SLC2A9: variants seen among roughly 807,000 people sequenced by gnomAD.
SLC2A9 encodes solute carrier family 2, facilitated glucose transporter member 9.
SLC2A9 carries 39 observed loss-of-function variants against 50.6 expected under a neutral mutation model. The ratio of observed to expected loss-of-function variants is 0.77; its 90% CI spans 0.60 to 1.01. The LOEUF is 1.01. Ranked by LOEUF, SLC2A9 falls within the 50% of genes least tolerant of loss-of-function variation. SLC2A9 has a pLI of 0.00. For missense variants in SLC2A9, 686 were observed against 677.6 expected (o/e 1.01, Z -0.14); for synonymous variants, 324 against 276.9 (o/e 1.17, Z -1.69).
intron 6 of SLC2A9, among the ~76,000 whole-genome samples, chr4:9,933,504 G>A (rs1371296235): frequency 6.6e-6 from 1 of 152,160 alleles, no homozygotes; most frequent in African/African-American, 2.4e-5. Flanking sequence ...CCACTTTCCT[G>A]GGTGGAACAT....
chr4:9,801,014 C>A (rs1721332524), intron 3 of SLC2A9, among the ~76,000 whole-genome samples: 1 of 152,148 alleles, frequency 6.6e-6, no homozygotes, highest in Non-Finnish European at 1.5e-5. Flanking sequence ...ACCATGACAC[C>A]AGCAGAAGTG....
intron 5 of SLC2A9, among the ~76,000 whole-genome samples, chr4:9,969,259 A>C (rs1477047551): frequency 1.3e-5 from 2 of 152,192 alleles, no homozygotes; most frequent in African/African-American, 4.8e-5. Context: ...AATGGTAATA[A>C]AACTCTTAAA....
At chr4:9,945,378 C>A (rs1408276172) in intron 5 of SLC2A9, among the ~76,000 whole-genome samples, 1 of 152,232 alleles carries the variant, frequency 6.6e-6, no homozygotes, top group Non-Finnish European at 1.5e-5. Context: ...CACAGGCCTG[C>A]ACACACTGTA....
At chr4:9,992,196 T>C (rs1757827177) in intron 3 of SLC2A9, among the ~76,000 whole-genome samples, 1 of 152,090 alleles carries the variant, frequency 6.6e-6, no homozygotes, top group South Asian at 2.1e-4. Context: ...CACCTAACCA[T>C]GGCTTCAGGA....
intron 10 of SLC2A9, among the ~76,000 whole-genome samples, chr4:9,860,347 T>C (rs1304596655): frequency 6.6e-6 from 1 of 152,190 alleles, no homozygotes. Flanking sequence ...TTGTCATCCT[T>C]ATGGATTCAT....
chr4:9,869,667 T>C (rs1004139945), intron 10 of SLC2A9, among the ~76,000 whole-genome samples: 1 of 152,226 alleles, frequency 6.6e-6, no homozygotes, highest in Non-Finnish European at 1.5e-5. Flanking sequence ...AAGGGTCTGG[T>C]GGCTGTCCTC....
chr4:9,838,430 C>G (rs112404513), intron 10 of SLC2A9, among the ~76,000 whole-genome samples: 21 of 152,176 alleles, frequency 1.4e-4, no homozygotes, highest in African/African-American at 5.1e-4. Flanking sequence ...TAAAATTGCC[C>G]ACAGCAATTT....
At chr4:9,917,992 G>A (rs371399068) in intron 7 of SLC2A9, among the ~76,000 whole-genome samples, 2 of 152,130 alleles carry the variant, frequency 1.3e-5, no homozygotes, top group African/African-American at 4.8e-5. Flanking sequence ...AACACCAGCA[G>A]GTGTGACTTT....
intron 3 of SLC2A9, chr4:9,792,967 CG>C (rs34567589): frequency 0.36 from 55,125 of 152,234 alleles, 10,257 homozygotes; most frequent in East Asian, 0.53. Flanking sequence ...CTCTGCCTCC[CG>C]GGTTCAAGCC....
chr4:9,832,469 G>A (rs548233150), intron 11 of SLC2A9, among the ~76,000 whole-genome samples: 1 of 152,290 alleles, frequency 6.6e-6, no homozygotes, highest in Non-Finnish European at 1.5e-5. Flanking sequence ...TGTATGTCCA[G>A]CCTGGCTGTT....
chr4:9,881,985 C>A (rs1228498432), intron 10 of SLC2A9, among the ~76,000 whole-genome samples: 1 of 152,190 alleles, frequency 6.6e-6, no homozygotes. Flanking sequence ...GACTTCATTT[C>A]AAAACCAAGT....
At chr4:9,845,498 C>T (rs1728838101) in intron 10 of SLC2A9, among the ~76,000 whole-genome samples, 1 of 138,362 alleles carries the variant, frequency 7.2e-6, no homozygotes, top group African/African-American at 2.8e-5. Flanking sequence ...GGCGCGATCT[C>T]GGCTCACTGC....
intron 1 of SLC2A9, among the ~76,000 whole-genome samples, chr4:10,026,898 GC>G (rs1163941885): frequency 6.6e-6 from 1 of 152,106 alleles, no homozygotes; most frequent in Non-Finnish European, 1.5e-5. Flanking sequence ...AGAAAAATTA[GC>G]CGGGTGTGCT....
intron 6 of SLC2A9, among the ~76,000 whole-genome samples, chr4:9,927,030 A>AT (rs35095818): frequency 0.47 from 63,964 of 135,806 alleles, 14,861 homozygotes; most frequent in Admixed American, 0.55. Flanking sequence ...CTGTTGTTCG[A>AT]TTTTTTTTTT....
At chr4:9,895,571 A>T (rs1577750849) in intron 8 of SLC2A9, among the ~76,000 whole-genome samples, 3 of 152,142 alleles carry the variant, frequency 2.0e-5, no homozygotes, top group Non-Finnish European at 4.4e-5. Context: ...CCATGGGGTC[A>T]CCCATCCACT....
intron 1 of SLC2A9, among the ~76,000 whole-genome samples, chr4:10,038,617 A>C (rs186125789): frequency 3.9e-4 from 59 of 152,268 alleles, no homozygotes; most frequent in African/African-American, 1.3e-3. Context: ...ATAGATTTCA[A>C]TCAATGGAAC....
chr4:9,863,763 C>CA (rs1732018264), intron 10 of SLC2A9, among the ~76,000 whole-genome samples: 1 of 152,092 alleles, frequency 6.6e-6, no homozygotes. Context: ...GAATTTCCAT[C>CA]AGAGGCTATG....
At chr4:9,964,112 C>A (rs1006427355) in intron 5 of SLC2A9, among the ~76,000 whole-genome samples, 1 of 152,082 alleles carries the variant, frequency 6.6e-6, no homozygotes, top group Non-Finnish European at 1.5e-5. Flanking sequence ...GGGAGACATT[C>A]GAGAATTCTT....
intron 3 of SLC2A9, among the ~76,000 whole-genome samples, chr4:9,819,966 C>A (rs988841362): frequency 5.3e-5 from 8 of 152,228 alleles, no homozygotes; most frequent in Non-Finnish European, 1.2e-4. Context: ...CCCCCAGTAT[C>A]TTTCAAAGAA....
Sources: gnomAD v4.1 joint callset for allele counts (sites outside exome capture counted in the v4.1 genomes callset) on GRCh38, gnomAD v4.1.1 for gene constraint, MANE v1.5 for transcripts, NCBI Gene and HGNC (gene_info 2026-07-23, HGNC 2026-07-21) for gene names.